Variants in NALF1 observed in about 807,000 individuals in gnomAD.
NALF1 encodes the protein NALCN channel auxiliary factor 1.
Under a neutral mutation model 48.4 loss-of-function variants are expected in NALF1, and 3 were observed. The observed-to-expected ratio is 0.06, with a 90% CI of 0.03 to 0.16. The LOEUF is 0.16. Among genes scored for constraint, NALF1 ranks in the 10% least tolerant of loss-of-function variants. NALF1 has a pLI of 1.00. For missense variants in NALF1, 526 were observed against 571.5 expected, an observed-to-expected ratio of 0.92 and a Z score of 0.81; for synonymous variants, 262 against 245.7, an observed-to-expected ratio of 1.07 and a Z score of -0.62.
chr13:107,308,839 G>T (rs796072690), intron 1 of NALF1, among the ~76,000 whole-genome samples: 22 of 152,346 alleles, frequency 1.4e-4, no homozygotes, highest in African/African-American at 5.3e-4. Flanking sequence ...TGCTACAGTA[G>T]ATATAACCTA....
chr13:107,827,880 C>T (rs16971228), intron 1 of NALF1, among the ~76,000 whole-genome samples: 8,349 of 152,098 alleles, frequency 0.055, 514 homozygotes, highest in East Asian at 0.31. Context: ...TTGGAAAGGG[C>T]GATTAAAAAC....
intron 1 of NALF1, among the ~76,000 whole-genome samples, chr13:107,809,440 G>A (rs1240371785): frequency 6.6e-6 from 1 of 151,944 alleles, no homozygotes; most frequent in Admixed American, 6.6e-5. Context: ...CAATGTGAAG[G>A]CATTTGCCAC....
chr13:107,178,670 A>G (rs747233146), intron 2 of NALF1, among the ~76,000 whole-genome samples: 13 of 152,198 alleles, frequency 8.5e-5, no homozygotes, highest in Non-Finnish European at 1.9e-4. Context: ...TAGGCCAGGC[A>G]CGGTGGCTCA....
chr13:107,386,500 C>T (rs543587159), intron 1 of NALF1, among the ~76,000 whole-genome samples: 1 of 152,178 alleles, frequency 6.6e-6, no homozygotes, highest in South Asian at 2.1e-4. Context: ...TGAGCTGCCA[C>T]CTGTTCTGGG....
intron 1 of NALF1, among the ~76,000 whole-genome samples, chr13:107,738,875 G>A (rs1054789684): frequency 1.3e-5 from 2 of 152,022 alleles, no homozygotes; most frequent in African/African-American, 4.8e-5. Context: ...TGCTTGCCAG[G>A]CTGGTCTCAA....
chr13:107,377,049 A>G (rs1283752143), intron 1 of NALF1, among the ~76,000 whole-genome samples: 1 of 151,978 alleles, frequency 6.6e-6, no homozygotes, highest in Non-Finnish European at 1.5e-5. Flanking sequence ...CTTGCCTCCT[A>G]TTGTGTAGAG....
chr13:107,353,851 C>A (rs1882916702), intron 1 of NALF1, among the ~76,000 whole-genome samples: 1 of 152,164 alleles, frequency 6.6e-6, no homozygotes, highest in Non-Finnish European at 1.5e-5. Context: ...TCCATTAATT[C>A]ATTAGTAAAT....
At chr13:107,502,647 A>C (rs996686100) in intron 1 of NALF1, among the ~76,000 whole-genome samples, 1 of 152,174 alleles carries the variant, frequency 6.6e-6, no homozygotes, top group Non-Finnish European at 1.5e-5. Flanking sequence ...GCTTCTTCTA[A>C]CCATTTAAAC....
At chr13:107,357,356 G>T (rs1272066421) in intron 1 of NALF1, among the ~76,000 whole-genome samples, 1 of 152,134 alleles carries the variant, frequency 6.6e-6, no homozygotes, top group African/African-American at 2.4e-5. Context: ...ACAGCATGAG[G>T]GAAACTGCCC....
chr13:107,721,772 G>A (rs1008228128), intron 1 of NALF1, among the ~76,000 whole-genome samples: 1 of 152,180 alleles, frequency 6.6e-6, no homozygotes, highest in African/African-American at 2.4e-5. Flanking sequence ...GCGGTGTCAA[G>A]CAGAATATAT....
chr13:107,307,033 C>T (rs1262073557), intron 1 of NALF1, among the ~76,000 whole-genome samples: 3 of 152,168 alleles, frequency 2.0e-5, no homozygotes, highest in African/African-American at 7.2e-5. Context: ...TCTGAAATGC[C>T]TGACTTTATA....
At chr13:107,815,832 A>G (rs1879146759) in intron 1 of NALF1, among the ~76,000 whole-genome samples, 1 of 152,192 alleles carries the variant, frequency 6.6e-6, no homozygotes, top group Non-Finnish European at 1.5e-5. Flanking sequence ...ACTGATATAT[A>G]CTATAACATT....
intron 1 of NALF1, among the ~76,000 whole-genome samples, chr13:107,756,204 C>T (rs543700409): frequency 1.3e-5 from 2 of 152,166 alleles, no homozygotes; most frequent in Admixed American, 6.6e-5. Flanking sequence ...CCAAAGATAA[C>T]GGCAATGTTT....
At chr13:107,807,294 C>T (rs1378894609) in intron 1 of NALF1, among the ~76,000 whole-genome samples, 22 of 152,132 alleles carry the variant, frequency 1.4e-4, no homozygotes, top group Admixed American at 6.6e-5. Flanking sequence ...TAAAAATATA[C>T]TGTCATGCAT....
At chr13:107,225,287 G>A (rs1042776908) in intron 1 of NALF1, among the ~76,000 whole-genome samples, 1 of 152,120 alleles carries the variant, frequency 6.6e-6, no homozygotes, top group Non-Finnish European at 1.5e-5. Flanking sequence ...AGGATTACAG[G>A]AGTGAGCTAC....
At chr13:107,257,264 C>T (rs938672560) in intron 1 of NALF1, among the ~76,000 whole-genome samples, 2 of 152,108 alleles carry the variant, frequency 1.3e-5, no homozygotes, top group Admixed American at 1.3e-4. Context: ...AGAGCCGAAC[C>T]ATGTTAGTTG....
intron 1 of NALF1, among the ~76,000 whole-genome samples, chr13:107,356,095 C>G (rs1001939376): frequency 6.6e-6 from 1 of 152,152 alleles, no homozygotes; most frequent in African/African-American, 2.4e-5. Flanking sequence ...TTAACAAACA[C>G]AGGAGCCGAT....
Position 107,615,236 on chromosome 13 carries a change from C to G in NALF1, c.915+250446G>C, listed in dbSNP as rs536733417. ...TCCTATGAAGGGACAAAAATGACAT[C>G]TCTGAAGATGCCTGTCCTCTCTATA... On this transcript the variant is annotated intron_variant, in intron 1 of 2. Transcript: ENST00000375915. Among the ~76,000 whole-genome samples the G allele has an allele frequency of 3.9e-5, 6 of 152,306 alleles. No homozygotes were observed. In the East Asian group the frequency reaches 9.6e-4, roughly 24 times the overall value.
chr13:107,657,014 G>A (rs2138472757), intron 1 of NALF1, among the ~76,000 whole-genome samples: 1 of 152,038 alleles, frequency 6.6e-6, no homozygotes, highest in Non-Finnish European at 1.5e-5. Flanking sequence ...GGGGTGTGGG[G>A]TTGGGGGAAG....
Sources: allele counts gnomAD v4.1 joint callset (sites outside exome capture counted in the v4.1 genomes callset), GRCh38; gene constraint gnomAD v4.1.1; transcripts MANE v1.5; gene names NCBI Gene and HGNC (gene_info 2026-07-23, HGNC 2026-07-21).